The following SOX5 variants were observed in gnomAD, a reference collection of about 807,000 sequenced individuals.
The protein encoded by SOX5 is transcription factor SOX-5.
Under a neutral mutation model 92.0 loss-of-function variants are expected in SOX5, and 9 were observed. The ratio of observed to expected loss-of-function variants is 0.10; its 90% CI spans 0.06 to 0.17. The LOEUF (loss-of-function observed/expected upper bound fraction) is 0.17. Among genes scored for constraint, SOX5 ranks in the 10% least tolerant of loss-of-function variants. SOX5 has a pLI of 1.00. For missense variants in SOX5, 642 were observed against 944.5 expected, an observed-to-expected ratio of 0.68 and a Z score of 4.20; for synonymous variants, 344 against 336.3, an observed-to-expected ratio of 1.02 and a Z score of -0.25.
At chr12:24,561,914 A>G (rs1449121864) in intron 1 of SOX5, among the ~76,000 whole-genome samples, 1 of 152,220 alleles carries the variant, frequency 6.6e-6, no homozygotes, top group East Asian at 1.9e-4. Flanking sequence ...AGCACAGCCC[A>G]GGGTTCTCCC....
chr12:24,116,089 T>TG (rs1565467433), intron 4 of SOX5, among the ~76,000 whole-genome samples: 1 of 151,926 alleles, frequency 6.6e-6, no homozygotes, highest in Non-Finnish European at 1.5e-5. Flanking sequence ...TATCAAAAGA[T>TG]GGGGGGAAAA....
intron 4 of SOX5, among the ~76,000 whole-genome samples, chr12:23,981,806 T>C (rs1320518807): frequency 1.3e-5 from 2 of 152,202 alleles, no homozygotes; most frequent in African/African-American, 4.8e-5. Context: ...ATTCTCAATA[T>C]CCAAGTTATT....
At chr12:23,974,746 C>T (rs947879946) in intron 4 of SOX5, among the ~76,000 whole-genome samples, 1 of 151,006 alleles carries the variant, frequency 6.6e-6, no homozygotes, top group African/African-American at 2.4e-5. Flanking sequence ...TGAAATGATG[C>T]AGAAAAAGGG....
At position 24,561,762 on chromosome 12, in the gene SOX5, G is replaced by A. The variant is rs1456693569; in HGVS notation, c.-251+567C>T. Reference sequence around the variant, plus strand: ...GTGGTAGGGAGAAGGATTGCAGAAAGCGAAACAAAAAGACGAAAGAGTCGG... The same window carrying A: ...GTGGTAGGGAGAAGGATTGCAGAAAACGAAACAAAAAGACGAAAGAGTCGG... On this transcript the variant is annotated intron_variant, in intron 1 of 4. Coordinates refer to the SOX5 transcript ENST00000446891. Among the ~76,000 whole-genome samples the A allele has an allele frequency of 2.7e-5, 4 of 146,628 alleles. No homozygotes were observed. The East Asian group carries it at 9.0e-4, about 33-fold the overall frequency.
chr12:23,672,247 A>C (rs2084910409), intron 6 of SOX5, among the ~76,000 whole-genome samples: 1 of 152,092 alleles, frequency 6.6e-6, no homozygotes, highest in African/African-American at 2.4e-5. Flanking sequence ...ACCCCTCCTA[A>C]ATGAAACCTG....
intron 3 of SOX5, among the ~76,000 whole-genome samples, chr12:23,814,030 A>G (rs145705911): frequency 2.6e-3 from 396 of 152,310 alleles, no homozygotes; most frequent in African/African-American, 8.5e-3. Context: ...ATTTAAGAGT[A>G]TTAAAATGCT....
intron 4 of SOX5, among the ~76,000 whole-genome samples, chr12:24,146,797 C>T (rs928211121): frequency 6.8e-5 from 10 of 147,412 alleles, no homozygotes; most frequent in African/African-American, 2.2e-4. Flanking sequence ...AAAGTAGGAA[C>T]ATCACTAGGA....
At chr12:24,517,819 T>C (rs1239235936) in intron 1 of SOX5, among the ~76,000 whole-genome samples, 2 of 152,014 alleles carry the variant, frequency 1.3e-5, no homozygotes, top group East Asian at 3.9e-4. Context: ...TGTATCAGAA[T>C]TCAAAAGTTA....
intron 4 of SOX5, among the ~76,000 whole-genome samples, chr12:23,982,011 C>G (rs1949617642): frequency 6.6e-6 from 1 of 152,030 alleles, no homozygotes; most frequent in Non-Finnish European, 1.5e-5. Flanking sequence ...AAGACCATAT[C>G]ATTTTCTATA....
rs183858959 is a variant in SOX5, at chr12:23,751,034, G to A, written c.568+4604C>T. Among the ~76,000 whole-genome samples the A allele has an allele frequency of 1.6e-3, 242 of 151,924 alleles. 1 individual carries two copies. The highest frequency in any genetic ancestry group is 5.8e-3 in the South Asian group (28 of 4,822). ...CCAGCAGTCTTTCTTTAGTTCTTGT[G>A]AAATAGTTTTTACAAAAAGTGAAAA... is the stretch of plus-strand genomic sequence containing the variant. On this transcript the variant is annotated intron_variant, in intron 4 of 14. Coordinates refer to ENST00000451604, the MANE Select transcript of SOX5 (RefSeq NM_006940.6).
chr12:24,108,490 C>T (rs1430536776), intron 4 of SOX5, among the ~76,000 whole-genome samples: 1 of 152,100 alleles, frequency 6.6e-6, no homozygotes, highest in Non-Finnish European at 1.5e-5. Flanking sequence ...TCACACACTA[C>T]ATTGTTGACT....
chr12:23,558,905 G>A (rs1319213442), intron 11 of SOX5, among the ~76,000 whole-genome samples: 1 of 152,114 alleles, frequency 6.6e-6, no homozygotes, highest in Non-Finnish European at 1.5e-5. Flanking sequence ...GCCCGGCCAT[G>A]AATCACTATC....
At chr12:24,017,669 C>G (rs1481624992) in intron 4 of SOX5, among the ~76,000 whole-genome samples, 1 of 151,872 alleles carries the variant, frequency 6.6e-6, no homozygotes. Flanking sequence ...GAATGCAACA[C>G]CACAGACCAG....
chr12:24,068,367 A>G (rs1941136800), intron 4 of SOX5, among the ~76,000 whole-genome samples: 1 of 152,144 alleles, frequency 6.6e-6, no homozygotes, highest in Non-Finnish European at 1.5e-5. Context: ...TTTGGTTTTA[A>G]TATGGAATAA....
chr12:23,991,184 T>A (rs964831731), intron 4 of SOX5, among the ~76,000 whole-genome samples: 1 of 96,478 alleles, frequency 1.0e-5, no homozygotes, highest in Admixed American at 1.2e-4. Context: ...TGAGATCCCG[T>A]CTCTGCAAAA....
At chr12:24,258,030 G>A (rs1764702295) in intron 3 of SOX5, among the ~76,000 whole-genome samples, 1 of 152,046 alleles carries the variant, frequency 6.6e-6, no homozygotes, top group Non-Finnish European at 1.5e-5. Context: ...AAAATTAGCT[G>A]GGCGCGGTGG....
At chr12:24,506,116 T>C (rs1442128306) in intron 1 of SOX5, among the ~76,000 whole-genome samples, 1 of 152,168 alleles carries the variant, frequency 6.6e-6, no homozygotes, top group Non-Finnish European at 1.5e-5. Flanking sequence ...AATAGGATAG[T>C]AGCATCTTTT....
At chr12:24,220,911 C>T (rs908794480) in intron 3 of SOX5, among the ~76,000 whole-genome samples, 1 of 152,140 alleles carries the variant, frequency 6.6e-6, no homozygotes, top group African/African-American at 2.4e-5. Context: ...CTGAAGAAAA[C>T]ATGTATTGAC....
intron 2 of SOX5, among the ~76,000 whole-genome samples, chr12:24,319,697 T>C (rs1410723537): frequency 6.6e-6 from 1 of 152,202 alleles, no homozygotes; most frequent in Non-Finnish European, 1.5e-5. Flanking sequence ...TGTTACTATT[T>C]TGCAAAACAA....
Sources: allele counts gnomAD v4.1 joint callset (sites outside exome capture counted in the v4.1 genomes callset), GRCh38; gene constraint gnomAD v4.1.1; transcripts MANE v1.5; gene names NCBI Gene and HGNC (gene_info 2026-07-23, HGNC 2026-07-21).